ERBIN: variants seen among roughly 807,000 people sequenced by gnomAD.
ERBIN encodes the protein densin-180-like protein.
Under a neutral mutation model 158.4 loss-of-function variants are expected in ERBIN, and 60 were observed. The observed-to-expected ratio is 0.38, with a 90% confidence interval of 0.31 to 0.47. The LOEUF (loss-of-function observed/expected upper bound fraction) is 0.47. ERBIN is among the 20% of genes least tolerant of loss of function. The probability of loss-of-function intolerance (pLI) is 0.99; values close to 1 mark genes in which losing one functional copy is unlikely to be tolerated. For synonymous variants in ERBIN, 594 were observed against 557.2 expected (o/e 1.07, Z -0.93); for missense variants, 1,610 against 1,648.0 (o/e 0.98, Z 0.40).
intron 15 of ERBIN, among the ~76,000 whole-genome samples, chr5:66,042,013 C>A (rs573543000): frequency 6.6e-6 from 1 of 151,988 alleles, no homozygotes; most frequent in Non-Finnish European, 1.5e-5. Context: ...GATTTGGTTT[C>A]ATGACATCCT....
intron 1 of ERBIN, among the ~76,000 whole-genome samples, chr5:65,928,561 A>G (rs1400316032): frequency 1.3e-5 from 2 of 152,208 alleles, no homozygotes; most frequent in Non-Finnish European, 2.9e-5. Flanking sequence ...TAAAAAAAGT[A>G]TTGTAGCACT....
Position 66,046,380 on chromosome 5 carries a change from A to C in ERBIN, c.1630A>C (p.Ser544Arg). 6.3e-7 allele frequency: 1 copy of C among 1,595,498 alleles called. No homozygotes were observed. The highest frequency in any genetic ancestry group is 8.6e-7 in the Non-Finnish European group (1 of 1,169,118). ...KTSESTTTVK[S>R]KVDEREKYMI... Reference sequence around the variant, plus strand: ...CTCAGAAAGTACTACTACAGTAAAAAGCAAAGTTGATGAAAGAGAAAAATA... The same window carrying C: ...CTCAGAAAGTACTACTACAGTAAAACGCAAAGTTGATGAAAGAGAAAAATA... Residue 544 changes from serine (S) to arginine (R), a missense_variant, in exon 18 of 26, where the codon AGC (serine) becomes CGC (arginine). Transcript: ENST00000284037.
At chr5:66,006,881 C>G (rs529576324) in intron 4 of ERBIN, among the ~76,000 whole-genome samples, 1 of 151,242 alleles carries the variant, frequency 6.6e-6, no homozygotes, top group Non-Finnish European at 1.5e-5. Context: ...ATTAAAAAGT[C>G]AGGAAACAAC....
At chr5:65,964,885 G>T (rs1011140720) in intron 1 of ERBIN, among the ~76,000 whole-genome samples, 3 of 147,956 alleles carry the variant, frequency 2.0e-5, no homozygotes, top group Non-Finnish European at 3.0e-5. Context: ...GACTACAGGC[G>T]TGGGCCACCA....
intron 1 of ERBIN, among the ~76,000 whole-genome samples, chr5:65,955,824 A>G (rs1481487281): frequency 6.6e-6 from 1 of 152,234 alleles, no homozygotes; most frequent in Admixed American, 6.5e-5. Flanking sequence ...AAAATATTAA[A>G]TGGAAAATTC....
At chr5:65,990,462 A>G (rs1751747022) in intron 2 of ERBIN, among the ~76,000 whole-genome samples, 2 of 151,958 alleles carry the variant, frequency 1.3e-5, no homozygotes, top group Admixed American at 1.3e-4. Context: ...AGGTCAGGAG[A>G]TGGAGACCAT....
At chr5:65,944,703 A>G (rs1561277972) in intron 1 of ERBIN, among the ~76,000 whole-genome samples, 2 of 152,110 alleles carry the variant, frequency 1.3e-5, no homozygotes, top group African/African-American at 4.8e-5. Context: ...ACCTGGCCTT[A>G]TTATGGTTTT....
chr5:65,966,879 C>G (rs1035151954), intron 1 of ERBIN, among the ~76,000 whole-genome samples: 6 of 151,750 alleles, frequency 4.0e-5, no homozygotes, highest in African/African-American at 1.5e-4. Flanking sequence ...CTGTATAGGC[C>G]TAGGCTAATG....
intron 1 of ERBIN, among the ~76,000 whole-genome samples, chr5:65,930,103 CA>C (rs1743183792): frequency 1.3e-5 from 2 of 152,248 alleles, no homozygotes; most frequent in South Asian, 4.2e-4. Context: ...TCTCTGTGTT[CA>C]GTTGGTCGTT....
chr5:65,959,677 G>A (rs970182146), intron 1 of ERBIN, among the ~76,000 whole-genome samples: 1 of 152,108 alleles, frequency 6.6e-6, no homozygotes, highest in African/African-American at 2.4e-5. Context: ...TTCTCAAATC[G>A]TATGACACTT....
chr5:65,965,379 GTTGT>G (rs1748457458), intron 1 of ERBIN, among the ~76,000 whole-genome samples: 1 of 103,652 alleles, frequency 9.6e-6, no homozygotes, highest in Non-Finnish European at 1.9e-5. Context: ...TTTGTTTTTT[GTTGT>G]TTTTTTTTTT....
chr5:65,964,401 A>G (rs557581971), intron 1 of ERBIN, among the ~76,000 whole-genome samples: 5 of 152,308 alleles, frequency 3.3e-5, no homozygotes, highest in Admixed American at 3.3e-4. Flanking sequence ...AGCTCATAAC[A>G]TGTACATACC....
In ERBIN at chr5:66,073,318, G is replaced by A. The variant is rs551597991; in HGVS notation, c.3756+1027G>A. 5.3e-4 allele frequency among the ~76,000 whole-genome samples: 81 copies of A among 152,308 alleles called. No homozygotes were observed. In the South Asian group the frequency reaches 0.017, roughly 31 times the overall value. ...GGGCTATCTGCAGAATTGTATGTAA[G>A]TAATAAAGCAACAGCAGAACCAGTT... is the stretch of plus-strand genomic sequence containing the variant. On this transcript the variant is annotated intron_variant, in intron 22 of 25. Transcript: ENST00000284037.
rs1762288127 is a variant in ERBIN, at chr5:66,079,601, G to A, written c.*1071G>A. 6.6e-6 allele frequency: 1 copy of A among 152,570 alleles called. No homozygotes were observed. Among genetic ancestry groups the A allele is most frequent in the Admixed American group, 6.5e-5 (1 of 15,278 alleles). The allele number at this position is 152,570 out of a possible 1,614,324, so 9.5% of individuals were successfully genotyped here. A position where few individuals can be genotyped will look rare whatever the true frequency, so the allele number is the denominator to read the frequency against. On this transcript the variant is annotated 3_prime_UTR_variant, in exon 26 of 26. Coordinates refer to ENST00000284037, the MANE Select transcript of ERBIN (RefSeq NM_001253697.2). ...AGTAAAAGGAAACAGTACACTTGGA[G>A]CTAGGAAACCAAAGCAAGCTTTGTG...
Position 66,054,725 on chromosome 5 carries a change from G to T in ERBIN, c.3407G>T (p.Gly1136Val). The change falls in exon 21 of 26, where the codon GGT (glycine) becomes GTT (valine). Residue 1136 changes from glycine (G) to valine (V), a missense_variant. Coordinates refer to ENST00000284037, the MANE Select transcript of ERBIN (RefSeq NM_001253697.2). ...TCTGCACGAACATACAGCATAGATGGTCCAAATGCATCAAGACCTCAGAGT... is the reference window on the plus strand; with the variant it reads ...TCTGCACGAACATACAGCATAGATGTTCCAAATGCATCAAGACCTCAGAGT... ...PLSARTYSIDGPNASRPQSAR... is the reference protein window; with the variant it reads ...PLSARTYSIDVPNASRPQSAR... 6.2e-7 allele frequency: 1 copy of T among 1,614,046 alleles called. No homozygotes were observed. Among genetic ancestry groups the T allele is most frequent in the South Asian group, 1.1e-5 (1 of 91,076 alleles).
In ERBIN at chr5:65,991,902, G is replaced by A. The variant is rs1751905757; in HGVS notation, c.-9-808G>A. Among the ~76,000 whole-genome samples the A allele has an allele frequency of 4.6e-5, 7 of 152,102 alleles. No homozygotes were observed. The South Asian group carries it at 1.5e-3, about 32-fold the overall frequency. On this transcript the variant is annotated intron_variant, in intron 2 of 25. Transcript: ENST00000284037. Reference sequence around the variant, plus strand: ...TTTAATTGAAACAAAATATACTTGGGGTAGGTGGGAATTTTCATGTGGAAA... The same window carrying A: ...TTTAATTGAAACAAAATATACTTGGAGTAGGTGGGAATTTTCATGTGGAAA...
chr5:66,029,073 T>G (rs1393875093), intron 14 of ERBIN, among the ~76,000 whole-genome samples: 4 of 152,188 alleles, frequency 2.6e-5, no homozygotes, highest in African/African-American at 9.7e-5. Context: ...TCATGGGCTC[T>G]TAGGCTGATT....
chr5:66,031,973 C>G (rs527566011), intron 14 of ERBIN, among the ~76,000 whole-genome samples: 41 of 151,846 alleles, frequency 2.7e-4, no homozygotes, highest in Non-Finnish European at 5.0e-4. Context: ...TCCTGAGTAT[C>G]TGGGATTATA....
Position 66,038,392 on chromosome 5 carries a change from C to G in ERBIN, c.1216C>G (p.Leu406Val). Residue 406 changes from leucine (L) to valine (V), a missense_variant, in exon 15 of 26, where the codon CTG becomes GTG. By Grantham distance (32) the Leu-to-Val change is conservative (BLOSUM62 1). Coordinates refer to ENST00000284037, the MANE Select transcript of ERBIN (RefSeq NM_001253697.2). ...MWLSDNQSKP[L>V]IPLQKETDSE... ...TATTTTCCTTCTCTAGTCCAAACCC[C>G]TGATACCTCTTCAAAAAGAAACTGA... 6.2e-7 allele frequency: 1 copy of G among 1,610,648 alleles called. No homozygotes were observed. The highest frequency in any genetic ancestry group is 8.5e-7 in the Non-Finnish European group (1 of 1,177,902).
Sources: gnomAD v4.1 joint callset for allele counts (sites outside exome capture counted in the v4.1 genomes callset) on GRCh38, gnomAD v4.1.1 for gene constraint, MANE v1.5 for transcripts, NCBI Gene and HGNC (gene_info 2026-07-23, HGNC 2026-07-21) for gene names.